SERINC5: variants seen among roughly 807,000 people sequenced by gnomAD.
SERINC5 encodes the protein chromosome 5 open reading frame 12.
SERINC5 carries 41 observed loss-of-function variants against 63.1 expected under a neutral mutation model. That is an observed-to-expected ratio of 0.65 (90% CI 0.51 to 0.84). The LOEUF (loss-of-function observed/expected upper bound fraction) is 0.84. SERINC5 is among the 40% of genes least tolerant of loss of function. The pLI is 0.00. For missense variants in SERINC5, 523 were observed against 573.0 expected (o/e 0.91, Z 0.89); for synonymous variants, 222 against 215.2 (o/e 1.03, Z -0.28).
At chr5:80,232,790 A>T (rs189550514) in intron 1 of SERINC5, among the ~76,000 whole-genome samples, 81 of 152,212 alleles carry the variant, frequency 5.3e-4, no homozygotes, top group Admixed American at 2.4e-3. Flanking sequence ...CTCAAAAAAA[A>T]AAAATAAAAA....
chr5:80,164,136 T>C lies in SERINC5; in HGVS notation c.859+2247A>G, dbSNP rs146716493. ...CTCTAGCTTTTCTAGTTTGTAAGTA[T>C]ATGGAAGTTCATAATAGTCTGTAAT... is the stretch of plus-strand genomic sequence containing the variant. On this transcript the variant is annotated intron_variant, in intron 7 of 11. Transcript: ENST00000507668. Among the ~76,000 whole-genome samples the C allele has an allele frequency of 4.0e-3, 606 of 152,294 alleles. 1 individual carries two copies. Among genetic ancestry groups the C allele is most frequent in the African/African-American group, 0.012 (485 of 41,578 alleles).
intron 7 of SERINC5, among the ~76,000 whole-genome samples, chr5:80,161,393 A>G (rs1237943120): frequency 6.6e-6 from 1 of 151,824 alleles, no homozygotes; most frequent in Admixed American, 6.6e-5. Context: ...AGCCACTCTG[A>G]CTGGTGTGAA....
chr5:80,145,504 C>T (rs563180070), intron 11 of SERINC5, among the ~76,000 whole-genome samples: 84 of 151,762 alleles, frequency 5.5e-4, no homozygotes, highest in African/African-American at 2.0e-3. Context: ...AAGATGTTTC[C>T]AATTTTTGTA....
chr5:80,146,672 T>C (rs921104008), intron 10 of SERINC5, among the ~76,000 whole-genome samples: 1 of 152,096 alleles, frequency 6.6e-6, no homozygotes, highest in African/African-American at 2.4e-5. Context: ...GCCAGGCTGG[T>C]CTCGAACTCC....
chr5:80,133,311 A>G (rs73125936), intron 11 of SERINC5, among the ~76,000 whole-genome samples: 4,512 of 152,252 alleles, frequency 0.03, 222 homozygotes, highest in African/African-American at 0.1. Flanking sequence ...AAGGCCTAAC[A>G]CTAGCCTAAA....
At position 80,224,923 on chromosome 5, in the gene SERINC5, G is replaced by GT. The variant is rs111805300; in HGVS notation, c.28-21871dup. Among the ~76,000 whole-genome samples the GT allele has an allele frequency of 2.6e-3, 368 of 143,824 alleles. 2 individuals carry two copies. The highest frequency in any genetic ancestry group is 0.015 in the South Asian group (67 of 4,454). 94.4% of individuals were successfully genotyped at this position (143,824 alleles called of 152,430 possible). A position where few individuals can be genotyped will look rare whatever the true frequency, so the allele number is the denominator to read the frequency against. ...ACAGGCGTGAGCCATCACGCCCAGC[G>GT]TTTTTTTTTTTGTTTTTTTTTGTTT... On this transcript the variant is annotated intron_variant, in intron 1 of 11. Coordinates refer to ENST00000507668, the MANE Select transcript of SERINC5 (RefSeq NM_001174072.3).
downstream of SERINC5, among the ~76,000 whole-genome samples, chr5:80,136,593 A>G (rs140178214): frequency 3.0e-3 from 454 of 152,328 alleles, 6 homozygotes; most frequent in African/African-American, 0.01. Context: ...CTAGGCAACA[A>G]AAATGTAGAC....
intron 5 of SERINC5, among the ~76,000 whole-genome samples, chr5:80,174,374 A>AT (rs960950417): frequency 1.5e-5 from 2 of 134,684 alleles, no homozygotes; most frequent in African/African-American, 2.8e-5. Flanking sequence ...CTCAAAAATA[A>AT]TAATAATAAT....
At chr5:80,255,586 G>A (rs1752627094) in intron 1 of SERINC5, among the ~76,000 whole-genome samples, 1 of 152,248 alleles carries the variant, frequency 6.6e-6, no homozygotes, top group African/African-American at 2.4e-5. Context: ...CTCGGCGCAA[G>A]AGGCGACACG....
At chr5:80,233,708 G>A (rs183424904) in intron 1 of SERINC5, among the ~76,000 whole-genome samples, 2 of 151,002 alleles carry the variant, frequency 1.3e-5, no homozygotes, top group Admixed American at 6.6e-5. Flanking sequence ...AGGACTTTAG[G>A]AGCTGAAATT....
chr5:80,154,326 T>C (rs1482070306), intron 8 of SERINC5, among the ~76,000 whole-genome samples: 2 of 152,014 alleles, frequency 1.3e-5, no homozygotes, highest in East Asian at 3.9e-4. Context: ...GTTACAGGCA[T>C]GCACCACCAT....
chr5:80,234,233 A>G (rs1342356247), intron 1 of SERINC5, among the ~76,000 whole-genome samples: 2 of 152,062 alleles, frequency 1.3e-5, no homozygotes, highest in Non-Finnish European at 2.9e-5. Context: ...CTTCCTAATA[A>G]TCCACAGCCA....
At chr5:80,244,025 C>A (rs1268186855) in intron 1 of SERINC5, among the ~76,000 whole-genome samples, 1 of 152,042 alleles carries the variant, frequency 6.6e-6, no homozygotes, top group Non-Finnish European at 1.5e-5. Context: ...CAGCATCCTG[C>A]AATTTGGGGG....
chr5:80,168,973 T>C (rs1438973307), intron 6 of SERINC5, among the ~76,000 whole-genome samples: 2 of 152,192 alleles, frequency 1.3e-5, no homozygotes, highest in Non-Finnish European at 2.9e-5. Context: ...TGCGGCCCTT[T>C]CATTCAACTT....
chr5:80,162,545 T>G (rs1332116026), intron 7 of SERINC5, among the ~76,000 whole-genome samples: 4 of 152,122 alleles, frequency 2.6e-5, no homozygotes, highest in Non-Finnish European at 4.4e-5. Flanking sequence ...AGCTAATTTG[T>G]AAATTTTTTG....
At position 80,140,474 on chromosome 5, in the gene SERINC5, C is replaced by T; in HGVS notation, c.*3189G>A. 1 of 984,332 alleles carries T rather than the reference C, an allele frequency of 1.0e-6. No individual in the cohort carries two copies. The highest frequency in any genetic ancestry group is 1.2e-6 in the Non-Finnish European group (1 of 829,238). 61.0% of individuals were successfully genotyped at this position (984,332 alleles called of 1,614,324 possible). Reference sequence around the variant, plus strand: ...CCAAAACCCCAATAACTCCACCCTCCCCACAACCCACCCCCACTCTATCTC... The same window carrying T: ...CCAAAACCCCAATAACTCCACCCTCTCCACAACCCACCCCCACTCTATCTC... On this transcript the variant is annotated 3_prime_UTR_variant, in exon 12 of 12. Transcript: ENST00000507668.
intron 11 of SERINC5, among the ~76,000 whole-genome samples, chr5:80,125,671 G>C (rs866591112): frequency 6.6e-6 from 1 of 152,318 alleles, no homozygotes; most frequent in Middle Eastern, 3.4e-3. Context: ...TGGCTGGAAT[G>C]GATTGGGGAC....
chr5:80,249,292 G>A (rs561619176), intron 1 of SERINC5, among the ~76,000 whole-genome samples: 18 of 151,610 alleles, frequency 1.2e-4, no homozygotes, highest in African/African-American at 4.4e-4. Context: ...TCCAGCCTGG[G>A]CAACACAGCG....
intron 2 of SERINC5, among the ~76,000 whole-genome samples, chr5:80,185,953 A>G (rs994543602): frequency 3.9e-5 from 6 of 152,026 alleles, no homozygotes; most frequent in Non-Finnish European, 8.8e-5. Flanking sequence ...GAGGCCTGAC[A>G]TTATATAAAA....
Sources: gnomAD v4.1 joint callset for allele counts (sites outside exome capture counted in the v4.1 genomes callset) on GRCh38, gnomAD v4.1.1 for gene constraint, MANE v1.5 for transcripts, NCBI Gene and HGNC (gene_info 2026-07-23, HGNC 2026-07-21) for gene names.